SUGCT: variants seen among roughly 807,000 people sequenced by gnomAD.
SUGCT encodes succinyl-CoA:glutarate CoA-transferase.
Under a neutral mutation model 55.0 loss-of-function variants are expected in SUGCT, and 41 were observed. The ratio of observed to expected loss-of-function variants is 0.74; its 90% CI spans 0.58 to 0.97. SUGCT has a LOEUF of 0.97. SUGCT is among the 50% of genes least tolerant of loss of function. SUGCT has a pLI of 0.00. For synonymous variants in SUGCT, 187 were observed against 200.4 expected (o/e 0.93, Z 0.56); for missense variants, 568 against 547.8 (o/e 1.04, Z -0.37).
At chr7:40,450,651 G>A (rs994474840) in intron 10 of SUGCT, among the ~76,000 whole-genome samples, 2 of 151,916 alleles carry the variant, frequency 1.3e-5, no homozygotes, top group Non-Finnish European at 2.9e-5. Flanking sequence ...GCAGCCATGC[G>A]CCTGTAGTCC....
At chr7:40,240,877 G>T (rs992817449) in intron 7 of SUGCT, among the ~76,000 whole-genome samples, 9 of 152,148 alleles carry the variant, frequency 5.9e-5, no homozygotes, top group Non-Finnish European at 1.5e-5. Context: ...TATATTTAGG[G>T]TGGGATCCTG....
chr7:41,021,301 A>G, the SUGCT span, among the ~76,000 whole-genome samples: 1 of 152,226 alleles, frequency 6.6e-6, no homozygotes, highest in African/African-American at 2.4e-5. Flanking sequence ...CAAAACCACT[A>G]GGAATTCAGA....
chr7:40,895,013 A>G, the SUGCT span, among the ~76,000 whole-genome samples: 2 of 152,242 alleles, frequency 1.3e-5, no homozygotes, highest in Admixed American at 6.5e-5. Flanking sequence ...ATAAATGTGT[A>G]TGTTCATTGC....
intron 9 of SUGCT, among the ~76,000 whole-genome samples, chr7:40,433,730 C>T (rs1562773657): frequency 2.0e-5 from 3 of 152,108 alleles, no homozygotes; most frequent in South Asian, 2.1e-4. Flanking sequence ...AGAAATTAAA[C>T]GTATCTAATG....
At chr7:40,757,620 C>T (rs7802357) in intron 13 of SUGCT, among the ~76,000 whole-genome samples, 83,109 of 152,036 alleles carry the variant, frequency 0.55, 24,432 homozygotes, top group Admixed American at 0.71. Flanking sequence ...GAATATTTAA[C>T]TGGACTCATA....
intron 8 of SUGCT, among the ~76,000 whole-genome samples, chr7:40,305,665 T>A (rs1240890465): frequency 6.6e-6 from 1 of 152,118 alleles, no homozygotes; most frequent in Non-Finnish European, 1.5e-5. Context: ...GTTATTTTTT[T>A]ATTTTTATTT....
At chr7:41,026,686 C>A in the SUGCT span, among the ~76,000 whole-genome samples, 3 of 152,176 alleles carry the variant, frequency 2.0e-5, no homozygotes, top group Non-Finnish European at 4.4e-5. Flanking sequence ...TTATCCAAAT[C>A]AAAGGCGCCA....
At chr7:40,311,293 T>C (rs1283104090) in intron 8 of SUGCT, among the ~76,000 whole-genome samples, 3 of 152,242 alleles carry the variant, frequency 2.0e-5, no homozygotes, top group Non-Finnish European at 4.4e-5. Context: ...CATCAAATTA[T>C]GCCTGGACCT....
At chr7:40,814,141 G>A (rs1020054583) in intron 13 of SUGCT, among the ~76,000 whole-genome samples, 7 of 152,030 alleles carry the variant, frequency 4.6e-5, no homozygotes, top group Non-Finnish European at 8.8e-5. Context: ...TTTTTCTTTA[G>A]TGTCGACCTC....
intron 9 of SUGCT, among the ~76,000 whole-genome samples, chr7:40,328,567 G>A (rs1048420905): frequency 6.6e-6 from 1 of 152,114 alleles, no homozygotes; most frequent in Non-Finnish European, 1.5e-5. Flanking sequence ...AGTTTTCTAA[G>A]TATTCACACC....
chr7:40,727,674 T>C (rs1313670396), intron 12 of SUGCT, among the ~76,000 whole-genome samples: 1 of 152,240 alleles, frequency 6.6e-6, no homozygotes, highest in East Asian at 1.9e-4. Context: ...AATGTAACTT[T>C]TTGTCTAATT....
chr7:40,763,494 T>C (rs1788636432), intron 13 of SUGCT, among the ~76,000 whole-genome samples: 1 of 152,208 alleles, frequency 6.6e-6, no homozygotes, highest in Admixed American at 6.5e-5. Flanking sequence ...TTATAAACTT[T>C]AGGCTTAGTT....
At chr7:40,162,003 T>C (rs992180395) in intron 1 of SUGCT, among the ~76,000 whole-genome samples, 1 of 151,838 alleles carries the variant, frequency 6.6e-6, no homozygotes, top group African/African-American at 2.4e-5. Flanking sequence ...TTCAAGCCAT[T>C]CTCCTGCCTC....
chr7:40,240,730 G>A (rs1789325202), intron 7 of SUGCT, among the ~76,000 whole-genome samples: 1 of 152,178 alleles, frequency 6.6e-6, no homozygotes, highest in South Asian at 2.1e-4. Flanking sequence ...TATCTGTGCT[G>A]TAGCATAACT....
the SUGCT span, among the ~76,000 whole-genome samples, chr7:41,002,229 C>A: frequency 2.0e-5 from 3 of 152,148 alleles, no homozygotes; most frequent in African/African-American, 7.2e-5. Flanking sequence ...CCACATTGTT[C>A]AGGCTGGTCT....
At chr7:40,961,336 A>T in the SUGCT span, among the ~76,000 whole-genome samples, 1 of 152,144 alleles carries the variant, frequency 6.6e-6, no homozygotes, top group African/African-American at 2.4e-5. Flanking sequence ...AAGGAGAGAG[A>T]GTGTGACCAA....
At chr7:40,449,230 C>T (rs1583705310) in intron 9 of SUGCT, 57 bp from the exon 10 acceptor site, 2 of 1,185,016 alleles carry the variant, frequency 1.7e-6, no homozygotes, top group Non-Finnish European at 2.4e-6. Context: ...AGAAATTAAA[C>T]TTTTGTGGTC....
chr7:40,531,989 C>T (rs1174152698), intron 12 of SUGCT, among the ~76,000 whole-genome samples: 1 of 152,122 alleles, frequency 6.6e-6, no homozygotes, highest in Non-Finnish European at 1.5e-5. Flanking sequence ...TATTTTTATT[C>T]ATTCAAAAAA....
the SUGCT span, among the ~76,000 whole-genome samples, chr7:40,946,719 A>G: frequency 6.6e-6 from 1 of 152,282 alleles, no homozygotes; most frequent in South Asian, 2.1e-4. Flanking sequence ...GCTGGATATA[A>G]AATTTTTGGT....
Sources: gnomAD v4.1 joint callset for allele counts (sites outside exome capture counted in the v4.1 genomes callset) on GRCh38, gnomAD v4.1.1 for gene constraint, MANE v1.5 for transcripts, NCBI Gene and HGNC (gene_info 2026-07-23, HGNC 2026-07-21) for gene names.